PDE1C: variants seen among roughly 807,000 people sequenced by gnomAD.
The protein encoded by PDE1C is dual specificity calcium/calmodulin-dependent 3',5'-cyclic nucleotide phosphodiesterase 1C.
A neutral mutation model predicts 93.1 loss-of-function variants in PDE1C; 62 were observed. The observed-to-expected ratio is 0.67, with a 90% CI of 0.54 to 0.82. The LOEUF is 0.82. PDE1C is among the 40% of genes least tolerant of loss of function. PDE1C has a pLI of 0.00. For missense variants in PDE1C, 742 were observed against 884.6 expected (o/e 0.84, Z 2.04); for synonymous variants, 325 against 310.1 (o/e 1.05, Z -0.50).
chr7:32,287,212 A>G (rs1812052446), intron 1 of PDE1C, among the ~76,000 whole-genome samples: 1 of 152,190 alleles, frequency 6.6e-6, no homozygotes, highest in Non-Finnish European at 1.5e-5. Context: ...ACTGCCTTCC[A>G]CTGCTCTTGG....
At chr7:32,112,380 T>C (rs1038438514) in intron 3 of PDE1C, among the ~76,000 whole-genome samples, 1 of 152,172 alleles carries the variant, frequency 6.6e-6, no homozygotes, top group Admixed American at 6.5e-5. Flanking sequence ...TTGACAAATA[T>C]TTTGCCAATG....
intron 1 of PDE1C, among the ~76,000 whole-genome samples, chr7:32,364,780 C>T (rs555910922): frequency 6.6e-6 from 1 of 152,356 alleles, no homozygotes; most frequent in South Asian, 2.1e-4. Context: ...CTGCACCTCT[C>T]CAGCACTGGG....
chr7:31,938,343 G>T (rs6957512), intron 2 of PDE1C, among the ~76,000 whole-genome samples: 16,756 of 143,102 alleles, frequency 0.12, 1,233 homozygotes, highest in East Asian at 0.32. Context: ...CACATATTTG[G>T]GTAATTCCAA....
At chr7:32,097,123 T>C (rs1378326591) in intron 3 of PDE1C, among the ~76,000 whole-genome samples, 3 of 152,212 alleles carry the variant, frequency 2.0e-5, no homozygotes, top group Non-Finnish European at 2.9e-5. Context: ...CTTTTTGTTC[T>C]ATTTAGATCT....
chr7:32,147,256 GAAAGAAAGAAAGAAAA>G (rs1800904357), intron 3 of PDE1C, among the ~76,000 whole-genome samples: 12 of 70,968 alleles, frequency 1.7e-4, no homozygotes, highest in Non-Finnish European at 2.7e-4. Context: ...AGAAAGAAAA[GAAAGAAAGAAAGAAAA>G]AAAGAAAGAA....
intron 3 of PDE1C, among the ~76,000 whole-genome samples, chr7:32,136,763 C>T (rs1449211018): frequency 1.3e-5 from 2 of 152,036 alleles, no homozygotes; most frequent in African/African-American, 2.4e-5. Flanking sequence ...AATTCTTTGC[C>T]CCCAGGATAA....
intron 3 of PDE1C, among the ~76,000 whole-genome samples, chr7:32,115,387 A>T (rs1296474231): frequency 6.6e-6 from 1 of 152,142 alleles, no homozygotes; most frequent in Non-Finnish European, 1.5e-5. Flanking sequence ...CAAACACCGC[A>T]TGTTCTCACT....
chr7:31,683,425 A>T, the PDE1C span, among the ~76,000 whole-genome samples: 73 of 151,842 alleles, frequency 4.8e-4, no homozygotes, highest in East Asian at 8.3e-3. Context: ...AATATTTTCT[A>T]TTTTTTTTCA....
At chr7:32,076,642 CAAAAAAAAAA>C (rs869181797) in intron 3 of PDE1C, among the ~76,000 whole-genome samples, 1 of 40,486 alleles carries the variant, frequency 2.5e-5, no homozygotes, top group Non-Finnish European at 5.0e-5. Flanking sequence ...GACTCCATCT[CAAAAAAAAAA>C]AAAAAGAAAA....
At chr7:32,241,509 G>C (rs561328721) in intron 1 of PDE1C, among the ~76,000 whole-genome samples, 3 of 152,086 alleles carry the variant, frequency 2.0e-5, no homozygotes, top group Non-Finnish European at 4.4e-5. Flanking sequence ...GTGGGGTGCA[G>C]GACTGGTGTA....
At chr7:32,139,592 T>C (rs755355071) in intron 3 of PDE1C, among the ~76,000 whole-genome samples, 13 of 152,148 alleles carry the variant, frequency 8.5e-5, no homozygotes, top group Admixed American at 6.5e-4. Context: ...CAGGGGTTTT[T>C]CCAGGTAAAG....
At chr7:32,285,772 A>G (rs1201013050) in intron 1 of PDE1C, among the ~76,000 whole-genome samples, 1 of 107,018 alleles carries the variant, frequency 9.3e-6, no homozygotes, top group Admixed American at 1.2e-4. Flanking sequence ...GGAGAGAGGA[A>G]GGGAGTGGAG....
intron 2 of PDE1C, among the ~76,000 whole-genome samples, chr7:32,014,099 G>A (rs7783322): frequency 0.36 from 54,653 of 152,104 alleles, 11,226 homozygotes; most frequent in Non-Finnish European, 0.48. Context: ...GAGACTGGTC[G>A]GGATAGCACC....
At chr7:31,813,518 T>A (rs1787814880) in intron 15 of PDE1C, among the ~76,000 whole-genome samples, 2 of 152,160 alleles carry the variant, frequency 1.3e-5, no homozygotes, top group South Asian at 2.1e-4. Context: ...GACTTTCTGA[T>A]TTTGTTACCT....
At chr7:32,255,145 G>A (rs961351667) in intron 1 of PDE1C, among the ~76,000 whole-genome samples, 7 of 152,172 alleles carry the variant, frequency 4.6e-5, no homozygotes, top group Admixed American at 6.5e-5. Flanking sequence ...AGGGCCCAGC[G>A]CGTGAACCCA....
chr7:31,749,058 G>T (rs751303214), downstream of PDE1C, among the ~76,000 whole-genome samples: 3 of 152,110 alleles, frequency 2.0e-5, no homozygotes, highest in Admixed American at 2.0e-4. Context: ...CTTCTATCCT[G>T]CAGGGACAAG....
chr7:32,299,210 C>A lies in PDE1C; in HGVS notation c.-475G>T, dbSNP rs191962082. The A allele has an allele frequency of 4.2e-3, 4,205 of 989,894 alleles. 14 individuals are homozygous for A. Among genetic ancestry groups the A allele is most frequent in the Middle Eastern group, 7.2e-3 (14 of 1,936 alleles). 61.3% of individuals were successfully genotyped at this position (989,894 alleles called of 1,614,324 possible). ...AGGGAATGGCTGAATTGGCGTCGTG[C>A]GTCTTCTAGATATGTTTTCTCTGGC... On this transcript the variant is annotated 5_prime_UTR_variant, in exon 1 of 19. Transcript: ENST00000396193.
At chr7:32,279,913 T>C (rs1811518961) in intron 1 of PDE1C, among the ~76,000 whole-genome samples, 3 of 152,168 alleles carry the variant, frequency 2.0e-5, no homozygotes, top group Admixed American at 1.3e-4. Flanking sequence ...AAAATGGTTA[T>C]TCAACTTTAT....
intron 1 of PDE1C, among the ~76,000 whole-genome samples, chr7:32,391,359 T>C (rs1784745489): frequency 6.6e-6 from 1 of 151,922 alleles, no homozygotes; most frequent in South Asian, 2.1e-4. Context: ...GAAGCAAAAA[T>C]TGACAGAATT....
Sources: allele counts gnomAD v4.1 joint callset (sites outside exome capture counted in the v4.1 genomes callset), GRCh38; gene constraint gnomAD v4.1.1; transcripts MANE v1.5; gene names NCBI Gene and HGNC (gene_info 2026-07-23, HGNC 2026-07-21).